The following RBM26 variants were observed in gnomAD, a reference collection of about 807,000 sequenced individuals.
RBM26 encodes RNA binding motif protein 26.
RBM26 carries 30 observed loss-of-function variants against 123.6 expected under a neutral mutation model. The ratio of observed to expected loss-of-function variants is 0.24; its 90% CI spans 0.18 to 0.33. RBM26 has a LOEUF of 0.33. Ranked by LOEUF, RBM26 falls within the 10% of genes least tolerant of loss-of-function variation. RBM26 has a pLI of 1.00. For synonymous variants in RBM26, 400 were observed against 404.4 expected, an observed-to-expected ratio of 0.99 and a Z score of 0.13; for missense variants, 947 against 1,203.6, an observed-to-expected ratio of 0.79 and a Z score of 3.15.
intron 11 of RBM26, 146 bp downstream of exon 11, chr13:79,358,128 C>T: frequency 1.7e-6 from 1 of 585,796 alleles, no homozygotes; most frequent in Non-Finnish European, 2.6e-6. Flanking sequence ...GGTGATCCGC[C>T]CGCCTTGGCC....
rs1459495051 is a variant in RBM26 at position 79,338,382 on chromosome 13, T to A, written c.2533-1080A>T. 3.9e-5 allele frequency among the ~76,000 whole-genome samples: 6 copies of A among 152,192 alleles called. No individual in the cohort carries two copies. In the East Asian group the frequency reaches 1.2e-3, roughly 29 times the overall value. On this transcript the variant is annotated intron_variant, in intron 18 of 21. Coordinates refer to ENST00000438737, the MANE Select transcript of RBM26 (RefSeq NM_001366735.2). ...TTTTCCATTTTATTCTCCGCTTTAT[T>A]CCCAGCAGTAGCTGGTGGATTGTAT...
chr13:79,320,622 C>A lies in RBM26; in HGVS notation c.3023G>T (p.Ter1008LeuextTer3). 1 of 1,590,596 alleles carries A rather than the reference C, an allele frequency of 6.3e-7. No homozygotes were observed. Among genetic ancestry groups the A allele is most frequent in the Admixed American group, 1.8e-5 (1 of 55,746 alleles). The change falls in exon 22 of 22, where the codon TGA (stop) becomes TTA (leucine). Residue 1008 changes from the stop codon to leucine, a stop_lost. Coordinates refer to ENST00000438737, the MANE Select transcript of RBM26 (RefSeq NM_001366735.2). ...EDNESRSWRR[*>L] ...TATGCAGATCAATGATCAGTCAAAT[C>A]ATCTTCTCCAAGAACGAGATTCATT...
intron 1 of RBM26, among the ~76,000 whole-genome samples, chr13:79,396,173 C>T (rs761088760): frequency 2.0e-5 from 3 of 151,900 alleles, no homozygotes; most frequent in African/African-American, 2.4e-5. Context: ...AGGACGGTGG[C>T]AATGGAACAA....
intron 18 of RBM26, 103 bp from the exon 19 acceptor site, chr13:79,337,405 T>C (rs2138963943): frequency 3.2e-6 from 4 of 1,254,144 alleles, no homozygotes; most frequent in South Asian, 2.7e-5. Flanking sequence ...AATTTGACAA[T>C]GTATTCAAAT....
intron 21 of RBM26, 85 bp from the exon 22 acceptor site, chr13:79,320,795 C>T (rs547346472): frequency 4.6e-6 from 6 of 1,297,344 alleles, no homozygotes; most frequent in Non-Finnish European, 6.1e-6. Context: ...ATACTCATCT[C>T]TCTCAACAGA....
intron 21 of RBM26, among the ~76,000 whole-genome samples, chr13:79,321,821 T>C (rs527732801): frequency 7.2e-4 from 109 of 151,592 alleles, no homozygotes; most frequent in Non-Finnish European, 1.1e-3. Flanking sequence ...TATTCAGCGT[T>C]ATCAGTCTGC....
At position 79,366,780 on chromosome 13, in the gene RBM26, G is replaced by A; in HGVS notation, c.988C>T (p.Pro330Ser). 5.6e-6 allele frequency: 9 copies of A among 1,613,904 alleles called. No homozygotes were observed. The highest frequency in any genetic ancestry group is 1.1e-5 in the South Asian group (1 of 91,058). Residue 330 changes from proline to serine, a missense_variant, in exon 7 of 22, where the codon CCT becomes TCT. Pro to Ser is a moderately conservative substitution (Grantham distance 74). Around this residue, in one of 5 missense-constraint regions of RBM26, gnomAD observed 11 missense variants for 44.5 expected, o/e 0.25. Coordinates refer to ENST00000438737, the MANE Select transcript of RBM26 (RefSeq NM_001366735.2). ...VEDVNLPGML[P>S]FPAQPPVVEG... ...ACAACAGGAGGCTGTGCTGGGAAAG[G>A]CAGCATACCAGGAAGATTCACATCT...
intron 20 of RBM26, among the ~76,000 whole-genome samples, chr13:79,326,852 GAAAGAA>G (rs1285833402): frequency 6.7e-6 from 1 of 150,110 alleles, no homozygotes. Flanking sequence ...AAGAGAAATA[GAAAGAA>G]AAAGAAGAGA....
At chr13:79,364,820 CAT>C (rs1355826953) in intron 9 of RBM26, among the ~76,000 whole-genome samples, 6 of 152,102 alleles carry the variant, frequency 3.9e-5, no homozygotes, top group Admixed American at 6.5e-5. Context: ...TTTCTTAACA[CAT>C]GATATCCTTT....
chr13:79,343,439 T>G (rs553623513), intron 16 of RBM26, among the ~76,000 whole-genome samples: 1 of 151,932 alleles, frequency 6.6e-6, no homozygotes, highest in Non-Finnish European at 1.5e-5. Flanking sequence ...TTGTAAAGTA[T>G]TGTGATTTTT....
chr13:79,360,575 C>T (rs530770549), intron 9 of RBM26, among the ~76,000 whole-genome samples: 1 of 151,988 alleles, frequency 6.6e-6, no homozygotes, highest in African/African-American at 2.4e-5. Context: ...AATGCACAAT[C>T]TAAAAGATTC....
intron 1 of RBM26, among the ~76,000 whole-genome samples, chr13:79,390,915 T>A (rs915041102): frequency 5.9e-5 from 9 of 152,022 alleles, no homozygotes; most frequent in African/African-American, 1.2e-4. Flanking sequence ...AAGATATAGA[T>A]CAATATATAA....
At position 79,328,096 on chromosome 13, in the gene RBM26, A is replaced by G. The variant is rs1042917251; in HGVS notation, c.2821-5634T>C. ...AGGAAAATTTAGTATTATTATGTTCATTCTCCCATAACTTAGTCTATCTTT... is the reference window on the plus strand; with the variant it reads ...AGGAAAATTTAGTATTATTATGTTCGTTCTCCCATAACTTAGTCTATCTTT... On this transcript the variant is annotated intron_variant, in intron 20 of 21. Transcript: ENST00000438737. Among the ~76,000 whole-genome samples, 5 of 152,222 alleles carry G rather than the reference A, an allele frequency of 3.3e-5. No individual in the cohort carries two copies. The Middle Eastern group carries it at 0.01, about 311-fold the overall frequency.
intron 1 of RBM26, among the ~76,000 whole-genome samples, chr13:79,404,449 A>G (rs1455662125): frequency 6.6e-6 from 1 of 152,190 alleles, no homozygotes; most frequent in Non-Finnish European, 1.5e-5. Context: ...CAAAATAGGC[A>G]GAGTTAAAAC....
intron 14 of RBM26, among the ~76,000 whole-genome samples, chr13:79,350,585 G>T (rs542362113): frequency 2.0e-5 from 3 of 152,108 alleles, no homozygotes; most frequent in Admixed American, 2.0e-4. Context: ...ACGAAAATGG[G>T]GTCTCAGGAT....
chr13:79,381,539 A>T (rs1157891539), intron 1 of RBM26, among the ~76,000 whole-genome samples: 1 of 152,022 alleles, frequency 6.6e-6, no homozygotes, highest in East Asian at 1.9e-4. Context: ...GTGAATTTTT[A>T]ACTTATTAGT....
exon 5 of RBM26, chr13:79,311,851 A>T (rs1425930020): frequency 6.6e-6 from 1 of 152,110 alleles, no homozygotes; most frequent in Admixed American, 6.6e-5. Flanking sequence ...CTTTTATTTT[A>T]AAAATTTTCA....
intron 1 of RBM26, among the ~76,000 whole-genome samples, chr13:79,399,800 A>G (rs2078906974): frequency 6.6e-6 from 1 of 152,170 alleles, no homozygotes; most frequent in Admixed American, 6.5e-5. Context: ...CTCATGACTA[A>G]GTGAATGGGA....
At chr13:79,366,232 G>T in intron 7 of RBM26, 37 bp from the exon 8 acceptor site, 1 of 1,595,124 alleles carries the variant, frequency 6.3e-7, no homozygotes, top group Non-Finnish European at 8.5e-7. Context: ...TCATCTGAAA[G>T]CAAACAAATA....
Sources: allele counts gnomAD v4.1 joint callset (sites outside exome capture counted in the v4.1 genomes callset), GRCh38; gene constraint gnomAD v4.1.1; regional missense constraint gnomAD v4.1.1; transcripts MANE v1.5; gene names NCBI Gene and HGNC (gene_info 2026-07-23, HGNC 2026-07-21).